CLDN10: variants seen among roughly 807,000 people sequenced by gnomAD.
The protein encoded by CLDN10 is claudin 10.
A neutral mutation model predicts 22.9 loss-of-function variants in CLDN10; 15 were observed. The observed-to-expected ratio is 0.65, with a 90% CI of 0.44 to 1.01. The LOEUF (loss-of-function observed/expected upper bound fraction) is 1.01, where lower values mean the gene tolerates loss of function less well. Among genes scored for constraint, CLDN10 ranks in the 50% least tolerant of loss-of-function variants. The pLI, the probability that CLDN10 is intolerant of heterozygous loss-of-function variation, is 0.00. For synonymous variants in CLDN10, 114 were observed against 111.4 expected, an observed-to-expected ratio of 1.02 and a Z score of -0.15; for missense variants, 247 against 287.8, an observed-to-expected ratio of 0.86 and a Z score of 1.03.
At chr13:95,497,706 AG>A (rs1319734543) in intron 1 of CLDN10, among the ~76,000 whole-genome samples, 1 of 152,226 alleles carries the variant, frequency 6.6e-6, no homozygotes, top group Non-Finnish European at 1.5e-5. Flanking sequence ...TAACAGGCAA[AG>A]GATTAGGGCC....
chr13:95,436,907 A>G (rs1252308951), intron 1 of CLDN10, among the ~76,000 whole-genome samples: 2 of 152,378 alleles, frequency 1.3e-5, no homozygotes, highest in African/African-American at 2.4e-5. Flanking sequence ...AAGTCAATGA[A>G]GAATGAAAAT....
chr13:95,552,865 A>G lies in CLDN10; in HGVS notation c.112A>G (p.Thr38Ala), dbSNP rs1221419822. 2 of 1,614,092 alleles carry G rather than the reference A, an allele frequency of 1.2e-6. No homozygotes were observed. Among genetic ancestry groups the G allele is most frequent in the Admixed American group, 1.7e-5 (1 of 60,034 alleles). The change falls in exon 1 of 5, where the codon ACG (threonine) becomes GCG (alanine). Residue 38 changes from threonine to alanine, a missense_variant. By Grantham distance (58) the Thr-to-Ala change is moderately conservative. Transcript: ENST00000299339. ...CTGGAAGGTGTCTACCATCGACGGC[A>G]CGGTCATCACAACCGCCACCTATTG... ...DYWKVSTIDG[T>A]VITTATYWAN...
chr13:95,568,017 A>G (rs1419110964), intron 3 of CLDN10, among the ~76,000 whole-genome samples: 1 of 152,204 alleles, frequency 6.6e-6, no homozygotes. Flanking sequence ...TAAGAAGTAA[A>G]TTTCTAGGCT....
rs2043978450 is a variant in CLDN10 at position 95,579,076 on chromosome 13, A to C, written c.*1062A>C. On this transcript the variant is annotated 3_prime_UTR_variant, in exon 5 of 5. Coordinates refer to ENST00000299339, the MANE Select transcript of CLDN10 (RefSeq NM_006984.5). ...CACTAAGCATGTGGGAGTTATTTAT[A>C]TCCTACTGCTCAAGGTCATCGCCAA... 6.6e-6 allele frequency: 1 copy of C among 152,194 alleles called. No individual in the cohort carries two copies. Among genetic ancestry groups the C allele is most frequent in the African/African-American group, 2.4e-5 (1 of 41,442 alleles). The allele number at this position is 152,194 out of a possible 1,614,324, so 9.4% of individuals were successfully genotyped here. A position where few individuals can be genotyped will look rare whatever the true frequency, so the allele number is the denominator to read the frequency against.
chr13:95,467,106 T>C (rs974039880), intron 1 of CLDN10, among the ~76,000 whole-genome samples: 2 of 151,470 alleles, frequency 1.3e-5, no homozygotes, highest in Non-Finnish European at 2.9e-5. Flanking sequence ...TTTGATCTCC[T>C]GACTTCATGA....
At chr13:95,456,060 G>A (rs1259518228) in intron 1 of CLDN10, among the ~76,000 whole-genome samples, 8 of 152,200 alleles carry the variant, frequency 5.3e-5, no homozygotes, top group Admixed American at 5.2e-4. Context: ...ATGCCATCCA[G>A]TGCAATAAAA....
intron 1 of CLDN10, among the ~76,000 whole-genome samples, chr13:95,492,263 C>A (rs539966177): frequency 9.3e-5 from 13 of 139,868 alleles, no homozygotes; most frequent in Middle Eastern, 3.6e-3. Context: ...CCTACCAGGG[C>A]GGGTAGGGAA....
intron 3 of CLDN10, among the ~76,000 whole-genome samples, chr13:95,568,202 A>T (rs1200751175): frequency 1.3e-5 from 2 of 152,234 alleles, no homozygotes; most frequent in African/African-American, 4.8e-5. Flanking sequence ...GTTGGTAGTG[A>T]TCTCACATAT....
upstream of CLDN10, among the ~76,000 whole-genome samples, chr13:95,548,320 A>G (rs1468794762): frequency 6.6e-6 from 1 of 152,238 alleles, no homozygotes; most frequent in Non-Finnish European, 1.5e-5. Flanking sequence ...AAGATAATTT[A>G]GAATTGGGAA....
intron 1 of CLDN10, among the ~76,000 whole-genome samples, chr13:95,444,919 A>T (rs1313542274): frequency 6.6e-6 from 1 of 152,096 alleles, no homozygotes; most frequent in African/African-American, 2.4e-5. Flanking sequence ...CTCAGCACAG[A>T]TGTGCATCAC....
chr13:95,577,381 CTAT>C lies in CLDN10; in HGVS notation c.572+44_572+46del, dbSNP rs775021598. 17 of 1,211,284 alleles carry C rather than the reference CTAT, an allele frequency of 1.4e-5. No homozygotes were observed. In the African/African-American group the frequency reaches 1.6e-4, roughly 12 times the overall value. 75.0% of individuals were successfully genotyped at this position (1,211,284 alleles called of 1,614,324 possible). Reference sequence around the variant, plus strand: ...AAATGACCTGTTAAAAAGTAGAATGCTATCATAAATCATTACATGTGGAACAAA... The same window carrying C: ...AAATGACCTGTTAAAAAGTAGAATGCCATAAATCATTACATGTGGAACAAA... On this transcript the variant is annotated intron_variant, in intron 4 of 4. Transcript: ENST00000299339.
At chr13:95,565,743 T>G (rs1312077787) in intron 3 of CLDN10, among the ~76,000 whole-genome samples, 1 of 152,134 alleles carries the variant, frequency 6.6e-6, no homozygotes, top group Non-Finnish European at 1.5e-5. Context: ...ATCATTTACA[T>G]TAGGTATTTC....
rs2042244328 is a variant in CLDN10, at chr13:95,434,462, T to TAC, written c.214+416_214+417insCA. On this transcript the variant is annotated intron_variant, in intron 1 of 4. Transcript: ENST00000376873. Reference sequence around the variant, plus strand: ...CTCTCTCTGTCTCTCTCTCTCTATATATATATACACCCACAAACACACACA... The same window carrying TAC: ...CTCTCTCTGTCTCTCTCTCTCTATATACATATATACACCCACAAACACACACA... Among the ~76,000 whole-genome samples, 4 of 130,144 alleles carry TAC rather than the reference T, an allele frequency of 3.1e-5. No individual in the cohort carries two copies. The South Asian group carries it at 1.1e-3, about 37-fold the overall frequency. The allele number at this position is 130,144 out of a possible 152,430, so 85.4% of individuals were successfully genotyped here.
chr13:95,566,491 G>A (rs1292827632), intron 3 of CLDN10, among the ~76,000 whole-genome samples: 1 of 152,004 alleles, frequency 6.6e-6, no homozygotes, highest in African/African-American at 2.4e-5. Flanking sequence ...TTGTAAATTT[G>A]TTTGAGTTCA....
At chr13:95,473,571 A>G (rs2042656902) in intron 1 of CLDN10, among the ~76,000 whole-genome samples, 1 of 152,158 alleles carries the variant, frequency 6.6e-6, no homozygotes, top group Admixed American at 6.5e-5. Context: ...CATTCACATC[A>G]TATTTCATTA....
chr13:95,513,688 C>CGAGAAACTGAGAAAATGAAAAGGCTGTAA (rs1555294612), intron 1 of CLDN10, among the ~76,000 whole-genome samples: 1 of 152,164 alleles, frequency 6.6e-6, no homozygotes, highest in Non-Finnish European at 1.5e-5. Context: ...ATCATTCATT[C>CGAGAAACTGAGAAAATGAAAAGGCTGTAA]ATAGATACAT....
chr13:95,562,151 C>T lies in CLDN10; in HGVS notation c.464+1688C>T, dbSNP rs187940062. ...TTCACCATTTTGGCCAGGCTGGTCT[C>T]GAACTCCTGACCTCAGGTGATCCAC... is the stretch of plus-strand genomic sequence containing the variant. On this transcript the variant is annotated intron_variant, in intron 3 of 4. Coordinates refer to ENST00000299339, the MANE Select transcript of CLDN10 (RefSeq NM_006984.5). 4.7e-3 allele frequency among the ~76,000 whole-genome samples: 716 copies of T among 151,370 alleles called. 3 individuals are homozygous for T. The Middle Eastern group carries it at 0.048, about 10-fold the overall frequency.
chr13:95,465,359 C>G (rs926555124), intron 1 of CLDN10, among the ~76,000 whole-genome samples: 2 of 152,160 alleles, frequency 1.3e-5, no homozygotes, highest in Non-Finnish European at 2.9e-5. Context: ...CAAACCATAT[C>G]ACAGGTGTAC....
At chr13:95,559,979 C>CTT (rs2043684085) in intron 1 of CLDN10, among the ~76,000 whole-genome samples, 153 bp from the exon 2 acceptor site, 1 of 152,232 alleles carries the variant, frequency 6.6e-6, no homozygotes, top group South Asian at 2.1e-4. Context: ...TGTAGATTAA[C>CTT]TTGCTTTCCT....
Sources: gnomAD v4.1 joint callset for allele counts (sites outside exome capture counted in the v4.1 genomes callset) on GRCh38, gnomAD v4.1.1 for gene constraint, MANE v1.5 for transcripts, NCBI Gene and HGNC (gene_info 2026-07-23, HGNC 2026-07-21) for gene names.